Variants in UBAP2L observed in about 807,000 individuals in gnomAD.
UBAP2L encodes ubiquitin associated protein 2 like, also known as ubiquitin-associated protein 2-like.
A neutral mutation model predicts 130.6 loss-of-function variants in UBAP2L; 12 were observed. The ratio of observed to expected loss-of-function variants is 0.09; its 90% CI spans 0.06 to 0.15. UBAP2L has a LOEUF of 0.15. Ranked by LOEUF, UBAP2L falls within the 10% of genes least tolerant of loss-of-function variation. The pLI is 1.00. For missense variants in UBAP2L, 965 were observed against 1,332.5 expected, an observed-to-expected ratio of 0.72 and a Z score of 4.29; for synonymous variants, 503 against 524.7, an observed-to-expected ratio of 0.96 and a Z score of 0.57.
chr1:154,254,182 T>TAC, intron 15 of UBAP2L, 93 bp downstream of exon 15: 1 of 1,196,752 alleles, frequency 8.4e-7, no homozygotes, highest in Non-Finnish European at 1.1e-6. Context: ...CAAGTGGTGC[T>TAC]AAGAAACTTT....
intron 5 of UBAP2L, 154 bp downstream of exon 5, chr1:154,234,913 A>G: frequency 1.9e-6 from 2 of 1,038,906 alleles, no homozygotes; most frequent in South Asian, 1.6e-5. Flanking sequence ...CATCTCTTGC[A>G]TGTGGCCTTT....
intron 8 of UBAP2L, among the ~76,000 whole-genome samples, chr1:154,239,882 G>T (rs929878918): frequency 2.0e-5 from 3 of 152,186 alleles, no homozygotes; most frequent in African/African-American, 7.2e-5. Context: ...ACTGAGATTG[G>T]ACTTTGGTTT....
chr1:154,238,226 A>G (rs3828076), intron 8 of UBAP2L, among the ~76,000 whole-genome samples: 46,995 of 152,080 alleles, frequency 0.31, 8,876 homozygotes, highest in Admixed American at 0.47. Context: ...AACACATTTC[A>G]TGGGTGGAGG....
At chr1:154,249,906 G>C (rs1676941707) in intron 12 of UBAP2L, among the ~76,000 whole-genome samples, 2 of 150,254 alleles carry the variant, frequency 1.3e-5, no homozygotes, top group Non-Finnish European at 3.0e-5. Flanking sequence ...CATATACATA[G>C]TTGCAGTCTT....
chr1:154,225,350 T>C, intron 2 of UBAP2L, 137 bp downstream of exon 2: 1 of 878,976 alleles, frequency 1.1e-6, no homozygotes. Context: ...TGGCTCTTTT[T>C]TTACTTAGGT....
At chr1:154,246,581 T>C (rs1558173436) in intron 11 of UBAP2L, among the ~76,000 whole-genome samples, 1 of 152,192 alleles carries the variant, frequency 6.6e-6, no homozygotes, top group African/African-American at 2.4e-5. Flanking sequence ...TGAATATTCT[T>C]ATAAGAATAA....
At chr1:154,264,704 G>A (rs565924040) in intron 24 of UBAP2L, among the ~76,000 whole-genome samples, 2 of 152,182 alleles carry the variant, frequency 1.3e-5, no homozygotes, top group East Asian at 3.9e-4. Flanking sequence ...TCCAATATAG[G>A]CAGCCTAGCC....
At chr1:154,237,854 G>A (rs1038889621) in intron 8 of UBAP2L, among the ~76,000 whole-genome samples, 14 of 152,168 alleles carry the variant, frequency 9.2e-5, no homozygotes, top group Non-Finnish European at 1.9e-4. Flanking sequence ...TTAAGCTGTG[G>A]TATACACCTA....
At chr1:154,247,242 C>T (rs6427509) in intron 11 of UBAP2L, among the ~76,000 whole-genome samples, 64,422 of 151,938 alleles carry the variant, frequency 0.42, 14,278 homozygotes, top group South Asian at 0.64. Flanking sequence ...ATTCAGAACT[C>T]GGTCAGTTTT....
At chr1:154,249,919 G>A (rs1571842121) in intron 12 of UBAP2L, among the ~76,000 whole-genome samples, 2 of 150,686 alleles carry the variant, frequency 1.3e-5, no homozygotes, top group East Asian at 3.9e-4. Flanking sequence ...GCAGTCTTCT[G>A]TTGATTGGGG....
intron 10 of UBAP2L, among the ~76,000 whole-genome samples, chr1:154,243,680 C>T (rs535432326): frequency 1.3e-5 from 2 of 152,166 alleles, no homozygotes; most frequent in Non-Finnish European, 2.9e-5. Context: ...AGGCTGGTCT[C>T]GAACTCCTGA....
At chr1:154,249,170 A>G in intron 11 of UBAP2L, 69 bp from the exon 12 acceptor site, 5 of 1,495,044 alleles carry the variant, frequency 3.3e-6, no homozygotes, top group South Asian at 2.3e-5. Context: ...GGTCTGGATA[A>G]GTGTCTTTAT....
intron 24 of UBAP2L, among the ~76,000 whole-genome samples, chr1:154,265,665 G>T (rs1271297632): frequency 6.6e-6 from 1 of 152,014 alleles, no homozygotes; most frequent in Admixed American, 6.6e-5. Context: ...ATGACATGTT[G>T]TACTACTCTG....
At chr1:154,233,787 T>C (rs191219976) in intron 4 of UBAP2L, among the ~76,000 whole-genome samples, 2 of 151,564 alleles carry the variant, frequency 1.3e-5, no homozygotes, top group African/African-American at 2.4e-5. Context: ...TAGGTAACTT[T>C]TAGAAACATT....
At chr1:154,228,567 G>A (rs932255288) in intron 3 of UBAP2L, 48 bp from the exon 4 acceptor site, 1 of 1,387,492 alleles carries the variant, frequency 7.2e-7, no homozygotes, top group Admixed American at 1.8e-5. Context: ...TTCATTGGGA[G>A]TGTGAGCATA....
chr1:154,247,964 A>AT (rs1173681738), intron 11 of UBAP2L, among the ~76,000 whole-genome samples: 1 of 149,972 alleles, frequency 6.7e-6, no homozygotes, highest in Non-Finnish European at 1.5e-5. Context: ...TTTATTTTTT[A>AT]TTTATTTTTT....
intron 1 of UBAP2L, among the ~76,000 whole-genome samples, chr1:154,223,855 A>G (rs1425479694): frequency 6.6e-6 from 1 of 152,128 alleles, no homozygotes; most frequent in East Asian, 1.9e-4. Flanking sequence ...CCTTCCTCCC[A>G]CTCAAATCCA....
Position 154,225,184 on chromosome 1 carries a change from A to C in UBAP2L, c.61A>C (p.Asn21His). The change falls in exon 2 of 27, where the codon AAC (asparagine) becomes CAC (histidine). Residue 21 changes from asparagine (N) to histidine (H), a missense_variant. This residue lies in a region of UBAP2L where 24 missense variants were observed against 27.7 expected (regional missense o/e 0.87). Coordinates refer to ENST00000428931, the MANE Select transcript of UBAP2L (RefSeq NM_014847.4). Reference protein sequence around the residue: ...RGNWEQPQNQNQTQHKQRPQA... With the variant: ...RGNWEQPQNQHQTQHKQRPQA... ...AAACTGGGAACAACCTCAAAACCAA[A>C]ACCAGACACAGCACAAGCAGCGGCC... 6.2e-7 allele frequency: 1 copy of C among 1,614,134 alleles called. No individual in the cohort carries two copies. Among genetic ancestry groups the C allele is most frequent in the Non-Finnish European group, 8.5e-7 (1 of 1,180,022 alleles).
At chr1:154,260,181 C>T (rs753038986) in intron 22 of UBAP2L, 152 bp downstream of exon 22, 68 of 785,544 alleles carry the variant, frequency 8.7e-5, no homozygotes, top group Non-Finnish European at 1.2e-4. Context: ...TTTTCCTATT[C>T]ATCCCACTTT....
Sources: gnomAD v4.1 joint callset for allele counts (sites outside exome capture counted in the v4.1 genomes callset) on GRCh38, gnomAD v4.1.1 for gene constraint, gnomAD v4.1.1 regional missense constraint, MANE v1.5 for transcripts, NCBI Gene and HGNC (gene_info 2026-07-23, HGNC 2026-07-21) for gene names.